DNER: variants seen among roughly 807,000 people sequenced by gnomAD.
The protein encoded by DNER is delta and Notch-like epidermal growth factor-related receptor.
DNER carries 33 observed loss-of-function variants against 78.2 expected under a neutral mutation model. The ratio of observed to expected loss-of-function variants is 0.42; its 90% confidence interval spans 0.32 to 0.56. The LOEUF is 0.56. Among genes scored for constraint, DNER ranks in the 20% least tolerant of loss-of-function variants. The probability of loss-of-function intolerance (pLI) is 0.11; values close to 1 mark genes in which losing one functional copy is unlikely to be tolerated. For synonymous variants in DNER, 417 were observed against 384.8 expected, an observed-to-expected ratio of 1.08 and a Z score of -0.98; for missense variants, 918 against 975.3, an observed-to-expected ratio of 0.94 and a Z score of 0.78.
chr2:229,402,828 A>C (rs1389885168), intron 10 of DNER, among the ~76,000 whole-genome samples: 1 of 152,212 alleles, frequency 6.6e-6, no homozygotes, highest in East Asian at 1.9e-4. Flanking sequence ...TTCGGTGACA[A>C]GAGTGGTCCC....
At chr2:229,535,576 C>A (rs1304544289) in intron 5 of DNER, among the ~76,000 whole-genome samples, 1 of 152,144 alleles carries the variant, frequency 6.6e-6, no homozygotes, top group African/African-American at 2.4e-5. Flanking sequence ...CAACCTTGGA[C>A]ACATGTAACT....
chr2:229,591,552 A>G lies in DNER; in HGVS notation c.585+28T>C, dbSNP rs1360443016. 2 of 1,579,358 alleles carry G rather than the reference A, an allele frequency of 1.3e-6. No individual in the cohort carries two copies. The highest frequency in any genetic ancestry group is 1.2e-5 in the South Asian group (1 of 85,790). On this transcript the variant is annotated intron_variant, in intron 2 of 12. Coordinates refer to ENST00000341772, the MANE Select transcript of DNER (RefSeq NM_139072.4). The surrounding 1 kb of genome is among the most constrained non-coding windows in gnomAD (Gnocchi z 4.6). ...CTTTAAGATTTCTGGTTTCTAATGT[A>G]AAAATGCACATGATATAACGTTCTC...
intron 1 of DNER, among the ~76,000 whole-genome samples, chr2:229,656,625 T>C (rs4973214): frequency 0.39 from 59,809 of 151,998 alleles, 13,947 homozygotes; most frequent in Non-Finnish European, 0.54. Context: ...ATAATTAAAA[T>C]AACTCCACTG....
chr2:229,520,111 G>C (rs1024298613), intron 5 of DNER, among the ~76,000 whole-genome samples: 1 of 152,174 alleles, frequency 6.6e-6, no homozygotes, highest in African/African-American at 2.4e-5. Flanking sequence ...TAGTTACTCA[G>C]ACATAATAGA....
At chr2:229,507,880 AAG>A (rs1403923238) in intron 6 of DNER, among the ~76,000 whole-genome samples, 2 of 152,232 alleles carry the variant, frequency 1.3e-5, no homozygotes, top group African/African-American at 4.8e-5. Context: ...TTAACCAGAA[AAG>A]TAAAGTTTGA....
At chr2:229,405,110 A>C (rs1000250313) in intron 10 of DNER, among the ~76,000 whole-genome samples, 4 of 152,226 alleles carry the variant, frequency 2.6e-5, no homozygotes, top group African/African-American at 4.8e-5. Context: ...AATCAGACAA[A>C]GGATATGAAT....
At chr2:229,398,583 G>C (rs936577396) in intron 10 of DNER, among the ~76,000 whole-genome samples, 2 of 151,978 alleles carry the variant, frequency 1.3e-5, no homozygotes, top group Non-Finnish European at 2.9e-5. Context: ...TTGTGTCTAC[G>C]TTCATATTAA....
chr2:229,540,316 G>A (rs778674901), intron 5 of DNER, among the ~76,000 whole-genome samples: 5 of 152,220 alleles, frequency 3.3e-5, no homozygotes, highest in Non-Finnish European at 4.4e-5. Context: ...AACTGGGGGT[G>A]CAGGGGTTGT....
At chr2:229,569,972 A>C (rs188170352) in intron 4 of DNER, among the ~76,000 whole-genome samples, 38 of 152,264 alleles carry the variant, frequency 2.5e-4, no homozygotes, top group African/African-American at 8.7e-4. Flanking sequence ...AGAGGGCCAT[A>C]ATTTTCTTCC....
At chr2:229,668,104 G>A (rs1189440666) in intron 1 of DNER, among the ~76,000 whole-genome samples, 1 of 152,158 alleles carries the variant, frequency 6.6e-6, no homozygotes, top group Non-Finnish European at 1.5e-5. Flanking sequence ...TTGAGAAAAT[G>A]TTGAGATCAC....
intron 8 of DNER, among the ~76,000 whole-genome samples, chr2:229,441,236 A>C (rs1296315189): frequency 2.6e-5 from 4 of 152,010 alleles, no homozygotes; most frequent in Non-Finnish European, 5.9e-5. Context: ...CTCATTGGAA[A>C]TTCTGAACTA....
intron 1 of DNER, among the ~76,000 whole-genome samples, chr2:229,637,708 A>G (rs181982912): frequency 1.3e-5 from 2 of 152,348 alleles, no homozygotes; most frequent in East Asian, 3.9e-4. Context: ...GAAATTGGCA[A>G]AGACTACAAA....
chr2:229,711,112 G>C (rs1287795782), intron 1 of DNER, among the ~76,000 whole-genome samples: 7 of 152,086 alleles, frequency 4.6e-5, no homozygotes, highest in Non-Finnish European at 1.0e-4. Context: ...TGAGAACAGG[G>C]AAAGGAGACT....
At chr2:229,515,932 G>T (rs886912408) in intron 5 of DNER, among the ~76,000 whole-genome samples, 25 of 152,168 alleles carry the variant, frequency 1.6e-4, no homozygotes, top group African/African-American at 5.5e-4. Context: ...ATGAGCCACC[G>T]CACCCAGCCT....
intron 5 of DNER, among the ~76,000 whole-genome samples, chr2:229,521,292 A>C (rs1237252544): frequency 1.3e-5 from 2 of 152,180 alleles, no homozygotes; most frequent in African/African-American, 4.8e-5. Flanking sequence ...CAGTGGGAGG[A>C]AGACAGTGTG....
At chr2:229,490,285 G>T (rs892624145) in intron 6 of DNER, among the ~76,000 whole-genome samples, 1 of 152,316 alleles carries the variant, frequency 6.6e-6, no homozygotes, top group African/African-American at 2.4e-5. Flanking sequence ...AAGTGTCTTA[G>T]TGTCTTGGCA....
intron 5 of DNER, among the ~76,000 whole-genome samples, chr2:229,516,421 G>C (rs1695971878): frequency 6.6e-6 from 1 of 152,102 alleles, no homozygotes; most frequent in South Asian, 2.1e-4. Flanking sequence ...AACTCCACCA[G>C]CATAAGGGAC....
chr2:229,674,493 G>C (rs1204897085), intron 1 of DNER, among the ~76,000 whole-genome samples: 1 of 152,158 alleles, frequency 6.6e-6, no homozygotes, highest in Non-Finnish European at 1.5e-5. Flanking sequence ...TGACCAGGCT[G>C]GCCTCGAACT....
chr2:229,580,992 G>T (rs1697383609), intron 4 of DNER, among the ~76,000 whole-genome samples: 1 of 152,168 alleles, frequency 6.6e-6, no homozygotes, highest in South Asian at 2.1e-4. Context: ...GTGGGAGAGG[G>T]TTGCACCCCC....
Sources: gnomAD v4.1 joint callset for allele counts (sites outside exome capture counted in the v4.1 genomes callset) on GRCh38, gnomAD v4.1.1 for gene constraint, Gnocchi (gnomAD v3.1) non-coding constraint, MANE v1.5 for transcripts, NCBI Gene and HGNC (gene_info 2026-07-23, HGNC 2026-07-21) for gene names.